Variants in PNLIPRP1 observed in about 807,000 individuals in gnomAD.
The protein encoded by PNLIPRP1 is pancreatic lipase related protein 1, also known as inactive pancreatic lipase-related protein 1.
Under a neutral mutation model 54.6 loss-of-function variants are expected in PNLIPRP1, and 57 were observed. The ratio of observed to expected loss-of-function variants is 1.04; its 90% CI spans 0.84 to 1.30. PNLIPRP1 has a LOEUF of 1.30. Ranked by LOEUF, PNLIPRP1 falls within the 50% of genes most tolerant of loss-of-function variation. The pLI is 0.00. For synonymous variants in PNLIPRP1, 232 were observed against 208.8 expected (o/e 1.11, Z -0.96); for missense variants, 567 against 568.5 (o/e 1.00, Z 0.03).
chr10:116,600,942 T>C (rs888014853), intron 9 of PNLIPRP1, 130 bp from the exon 10 acceptor site: 2 of 759,586 alleles, frequency 2.6e-6, no homozygotes, highest in Admixed American at 2.7e-5. Context: ...AGAGATCATC[T>C]GCTCCAACCC....
At position 116,591,848 on chromosome 10, in the gene PNLIPRP1, A is replaced by G; in HGVS notation, c.127A>G (p.Lys43Glu). 1.2e-6 allele frequency: 2 copies of G among 1,614,224 alleles called. No individual in the cohort carries two copies. Among genetic ancestry groups the G allele is most frequent in the African/African-American group, 2.7e-5 (2 of 75,060 alleles). Reference protein sequence around the residue: ...PWGGTAIRPLKILPWSPEKIG... With the variant: ...PWGGTAIRPLEILPWSPEKIG... ...GGGCGGGACAGCAATCAGGCCCCTG[A>G]AAATTCTCCCCTGGAGCCCTGAGAA... The change falls in exon 3 of 13, where the codon AAA becomes GAA. Residue 43 changes from lysine (K) to glutamate (E), a missense_variant. Coordinates refer to ENST00000358834, the MANE Select transcript of PNLIPRP1 (RefSeq NM_006229.4).
rs1554865458 is a variant in PNLIPRP1 at position 116,605,478 on chromosome 10, A to G, written c.1265A>G (p.Asn422Ser). 8 of 1,612,072 alleles carry G rather than the reference A, an allele frequency of 5.0e-6. 1 individual carries two copies. Among genetic ancestry groups the G allele is most frequent in the South Asian group, 2.2e-5 (2 of 90,850 alleles). ...TIEKVKFLWN[N>S]NVINPTLPKV... ...GAGAAAGTCAAGTTTCTTTGGAATA[A>G]CAATGTGATAAATCCAACCCTCCCC... is the stretch of plus-strand genomic sequence containing the variant. The change falls in exon 12 of 13, where the codon AAC (asparagine) becomes AGC (serine). Residue 422 changes from asparagine (N) to serine (S), a missense_variant. Asn to Ser is a conservative substitution (Grantham distance 46, BLOSUM62 1). Coordinates refer to ENST00000358834, the MANE Select transcript of PNLIPRP1 (RefSeq NM_006229.4).
At chr10:116,601,452 G>T (rs1847837950) in intron 10 of PNLIPRP1, among the ~76,000 whole-genome samples, 1 of 152,170 alleles carries the variant, frequency 6.6e-6, no homozygotes, top group Admixed American at 6.5e-5. Context: ...AGGCCAGTTT[G>T]CACATCCTTG....
In PNLIPRP1 at chr10:116,604,032, T is replaced by C. The variant is rs371382674; in HGVS notation, c.1066T>C (p.Trp356Arg). The change falls in exon 11 of 13, where the codon TGG (tryptophan) becomes CGG (arginine). Residue 356 changes from tryptophan (W) to arginine (R), a missense_variant and splice_region_variant. Coordinates refer to ENST00000358834, the MANE Select transcript of PNLIPRP1 (RefSeq NM_006229.4). ...GAACTCTTCCATCTCCTGTGCAGGC[T>C]GGAGATATGGGGTTTCCATCACACT... is the stretch of plus-strand genomic sequence containing the variant. ...NTGEASNFAR[W>R]RYGVSITLSG... 3.1e-6 allele frequency: 5 copies of C among 1,600,508 alleles called. No individual in the cohort carries two copies. In the East Asian group the frequency reaches 6.7e-5, roughly 21 times the overall value.
In PNLIPRP1 at chr10:116,600,800, C is replaced by T. The variant is rs376823445; in HGVS notation, c.934-272C>T. The stretch of plus-strand genomic sequence containing the variant: ...CAGAGCTTTTGCTGCTTATCATTCA[C>T]CAGCTCCACTCAACAGAAGGTATAA... On this transcript the variant is annotated intron_variant, in intron 9 of 12. Transcript: ENST00000358834. Among the ~76,000 whole-genome samples the T allele has an allele frequency of 6.6e-5, 10 of 152,192 alleles. No homozygotes were observed. In the East Asian group the frequency reaches 1.2e-3, roughly 18 times the overall value.
At position 116,606,255 on chromosome 10, in the gene PNLIPRP1, C is replaced by T. The variant is rs1381666146; in HGVS notation, c.1340+702C>T. Among the ~76,000 whole-genome samples, 5 of 152,092 alleles carry T rather than the reference C, an allele frequency of 3.3e-5. No individual in the cohort carries two copies. In the East Asian group the frequency reaches 9.7e-4, roughly 29 times the overall value. On this transcript the variant is annotated intron_variant, in intron 12 of 12. Transcript: ENST00000358834. ...AGTTCAGGTCCCAGAGATTGTCACT[C>T]CCCCAGGTGGGGAGGGTGGGGTGGC...
intron 5 of PNLIPRP1, 43 bp from the exon 6 acceptor site, chr10:116,596,171 C>A (rs1273141304): frequency 2.9e-6 from 4 of 1,360,448 alleles, no homozygotes; most frequent in Non-Finnish European, 4.2e-6. Context: ...TTTAGAAAAA[C>A]CACAGCAAAA....
chr10:116,592,290 C>T, intron 3 of PNLIPRP1, 126 bp from the exon 4 acceptor site: 1 of 1,069,464 alleles, frequency 9.4e-7, no homozygotes, highest in Non-Finnish European at 1.3e-6. Context: ...GGGTGGGCTT[C>T]ATGGAAGAAG....
At chr10:116,608,914 C>T (rs1220114701) in intron 12 of PNLIPRP1, 139 bp from the exon 13 acceptor site, 1 of 724,218 alleles carries the variant, frequency 1.4e-6, no homozygotes, top group Non-Finnish European at 2.5e-6. Context: ...CTCGTGCCTC[C>T]TGAATCACTC....
At chr10:116,591,644 T>G in intron 2 of PNLIPRP1, 127 bp from the exon 3 acceptor site, 2 of 906,512 alleles carry the variant, frequency 2.2e-6, no homozygotes, top group Non-Finnish European at 3.5e-6. Flanking sequence ...TGGGAGGGGT[T>G]GCAGTAGGTT....
intron 6 of PNLIPRP1, 76 bp downstream of exon 6, chr10:116,596,398 C>T: frequency 1.2e-6 from 1 of 838,976 alleles, no homozygotes. Flanking sequence ...CAGCCCAGTT[C>T]AGAGCTCCCC....
In PNLIPRP1 at chr10:116,594,764, G is replaced by A; in HGVS notation, c.365G>A (p.Cys122Tyr). ...LFEVEEVNCICVDWKKGSQAT... is the reference protein window; with the variant it reads ...LFEVEEVNCIYVDWKKGSQAT... Reference sequence around the variant, plus strand: ...GAGGTGGAGGAGGTGAACTGCATCTGCGTGGACTGGAAGAAGGGCTCCCAA... The same window carrying A: ...GAGGTGGAGGAGGTGAACTGCATCTACGTGGACTGGAAGAAGGGCTCCCAA... The change falls in exon 5 of 13, where the codon TGC (cysteine) becomes TAC (tyrosine). Residue 122 changes from cysteine to tyrosine, a missense_variant. Physicochemically the swap from Cys to Tyr is radical, Grantham distance 194. Transcript: ENST00000358834. 6.2e-7 allele frequency: 1 copy of A among 1,614,118 alleles called. No individual in the cohort carries two copies. The highest frequency in any genetic ancestry group is 8.5e-7 in the Non-Finnish European group (1 of 1,180,028).
chr10:116,602,045 T>G (rs1170834270), intron 10 of PNLIPRP1, among the ~76,000 whole-genome samples: 1 of 148,418 alleles, frequency 6.7e-6, no homozygotes, highest in East Asian at 2.0e-4. Flanking sequence ...AGACGGAGTC[T>G]CGCTGTGTCG....
intron 4 of PNLIPRP1, chr10:116,592,803 G>A: frequency 2.0e-6 from 1 of 500,754 alleles, no homozygotes; most frequent in Non-Finnish European, 3.7e-6. Context: ...GCTTCCATTT[G>A]TAGTGAGGGT....
intron 4 of PNLIPRP1, chr10:116,594,366 A>G (rs782031259): frequency 1.9e-6 from 1 of 520,206 alleles, no homozygotes; most frequent in Non-Finnish European, 3.8e-6. Context: ...AGTCAAATCC[A>G]CAAGGTCATT....
chr10:116,596,440 A>G, intron 6 of PNLIPRP1, 118 bp downstream of exon 6: 1 of 659,868 alleles, frequency 1.5e-6, no homozygotes, highest in Non-Finnish European at 2.7e-6. Context: ...GCTGTGATAG[A>G]GCTGCTTGGA....
Position 116,609,096 on chromosome 10 carries a change from C to T in PNLIPRP1, c.1384C>T (p.Leu462Phe). The T allele has an allele frequency of 6.2e-7, 1 of 1,612,538 alleles. No homozygotes were observed. Among genetic ancestry groups the T allele is most frequent in the Non-Finnish European group, 8.5e-7 (1 of 1,178,950 alleles). Reference sequence around the variant, plus strand: ...AGACACAGTGCGGGAAGACACGCTGCTCACCCTCACGCCCTGCTAAGCTCC... The same window carrying T: ...AGACACAGTGCGGGAAGACACGCTGTTCACCCTCACGCCCTGCTAAGCTCC... ...SEDTVREDTL[L>F]TLTPC Residue 462 changes from leucine (L) to phenylalanine (F), a missense_variant, in exon 13 of 13, where the codon CTC (leucine) becomes TTC (phenylalanine). Coordinates refer to ENST00000358834, the MANE Select transcript of PNLIPRP1 (RefSeq NM_006229.4).
chr10:116,596,096 A>G, intron 5 of PNLIPRP1, 118 bp from the exon 6 acceptor site: 1 of 720,372 alleles, frequency 1.4e-6, no homozygotes, highest in East Asian at 2.5e-5. Flanking sequence ...TTTGGGCTTG[A>G]TCCTGAAGGC....
In PNLIPRP1 at chr10:116,600,148, T is replaced by C; in HGVS notation, c.916T>C (p.Tyr306His). The C allele has an allele frequency of 6.2e-7, 1 of 1,608,818 alleles. No individual in the cohort carries two copies. The highest frequency in any genetic ancestry group is 8.5e-7 in the Non-Finnish European group (1 of 1,175,202). The change falls in exon 9 of 13, where the codon TAC becomes CAC. Residue 306 changes from tyrosine to histidine, a missense_variant. Coordinates refer to ENST00000358834, the MANE Select transcript of PNLIPRP1 (RefSeq NM_006229.4). Reference protein sequence around the residue: ...DGFAAYPCTSYKSFESDKCFP... With the variant: ...DGFAAYPCTSHKSFESDKCFP... ...GTTTGCTGCATATCCCTGCACTTCC[T>C]ACAAGTCCTTTGAGTCTGTAAGCTA...
Sources: allele counts gnomAD v4.1 joint callset (sites outside exome capture counted in the v4.1 genomes callset), GRCh38; gene constraint gnomAD v4.1.1; transcripts MANE v1.5; gene names NCBI Gene and HGNC (gene_info 2026-07-23, HGNC 2026-07-21).